Variants in GRM8 observed in about 807,000 individuals in gnomAD.
GRM8 encodes the protein glutamate metabotropic receptor 8, also known as metabotropic glutamate receptor 8.
GRM8 carries 47 observed loss-of-function variants against 87.2 expected under a neutral mutation model. The observed-to-expected ratio is 0.54, with a 90% CI of 0.43 to 0.69. The LOEUF (loss-of-function observed/expected upper bound fraction) is 0.69, where lower values mean the gene tolerates loss of function less well. Ranked by LOEUF, GRM8 falls within the 30% of genes least tolerant of loss-of-function variation. The pLI, the probability that GRM8 is intolerant of heterozygous loss-of-function variation, is 0.00. For synonymous variants in GRM8, 396 were observed against 404.5 expected (o/e 0.98, Z 0.25); for missense variants, 1,019 against 1,139.2 (o/e 0.89, Z 1.52).
Position 127,154,766 on chromosome 7 carries a change from C to T in GRM8, c.511-48054G>A, listed in dbSNP as rs11505966. On this transcript the variant is annotated intron_variant, in intron 2 of 10. Transcript: ENST00000339582. Reference sequence around the variant, plus strand: ...TTTTAACTAATTTCAGGAACACATACGATGTATGCACTACTGGAGTCTGAA... The same window carrying T: ...TTTTAACTAATTTCAGGAACACATATGATGTATGCACTACTGGAGTCTGAA... 3.1e-3 allele frequency among the ~76,000 whole-genome samples: 471 copies of T among 151,858 alleles called. 4 individuals carry two copies. Among genetic ancestry groups the T allele is most frequent in the African/African-American group, 0.011 (451 of 41,388 alleles).
rs17869316 is a variant in GRM8, at chr7:127,007,698, C to T, written c.727+98798G>A. ...TTTTCACCTGGCTTTTATAAAGATG[C>T]CAAGTGAAACTCTATATTAAAATAT... On this transcript the variant is annotated intron_variant, in intron 3 of 10. Transcript: ENST00000339582. Among the ~76,000 whole-genome samples, 29 of 152,076 alleles carry T rather than the reference C, an allele frequency of 1.9e-4. No homozygotes were observed. In the East Asian group the frequency reaches 5.6e-3, roughly 29 times the overall value.
intron 3 of GRM8, among the ~76,000 whole-genome samples, chr7:127,064,717 G>C (rs1820939354): frequency 6.6e-6 from 1 of 152,110 alleles, no homozygotes; most frequent in Non-Finnish European, 1.5e-5. Context: ...GACATGAACA[G>C]ACACTTCTCA....
At chr7:126,817,371 T>C (rs1435591910) in intron 6 of GRM8, among the ~76,000 whole-genome samples, 1 of 152,110 alleles carries the variant, frequency 6.6e-6, no homozygotes, top group Non-Finnish European at 1.5e-5. Flanking sequence ...CTCCTTCTAG[T>C]ACAGTGAAGG....
At chr7:126,912,941 T>C (rs1320477608) in intron 3 of GRM8, among the ~76,000 whole-genome samples, 1 of 152,218 alleles carries the variant, frequency 6.6e-6, no homozygotes, top group African/African-American at 2.4e-5. Flanking sequence ...AAACTGGAAT[T>C]GTAGCCTGCA....
chr7:127,218,597 G>A (rs1423720384), intron 2 of GRM8, among the ~76,000 whole-genome samples: 6 of 152,342 alleles, frequency 3.9e-5, no homozygotes, highest in Admixed American at 2.6e-4. Flanking sequence ...GGTGCATAGT[G>A]AGCGTCAGCC....
Position 126,533,422 on chromosome 7 carries a change from A to G in GRM8, c.1960T>C (p.Phe654Leu). The G allele has an allele frequency of 6.2e-7, 1 of 1,614,042 alleles. No homozygotes were observed. The highest frequency in any genetic ancestry group is 8.5e-7 in the Non-Finnish European group (1 of 1,179,958). The change falls in exon 9 of 11, where the codon TTC becomes CTC. Residue 654 changes from phenylalanine (F) to leucine (L), a missense_variant. Coordinates refer to ENST00000339582, the MANE Select transcript of GRM8 (RefSeq NM_000845.3). ...CTGAAACACATGCCAAGTCCTAGGA[A>G]GACCCGTCGGAAGGAGCATATGATT... ...DTIICSFRRVFLGLGMCFSYA... is the reference protein window; with the variant it reads ...DTIICSFRRVLLGLGMCFSYA...
chr7:126,873,296 T>C (rs936926957), intron 6 of GRM8, among the ~76,000 whole-genome samples: 1 of 152,128 alleles, frequency 6.6e-6, no homozygotes, highest in Non-Finnish European at 1.5e-5. Flanking sequence ...ACCAAGCATA[T>C]TAGTTTCCCT....
At chr7:127,182,156 C>T (rs1385617547) in intron 2 of GRM8, among the ~76,000 whole-genome samples, 1 of 151,798 alleles carries the variant, frequency 6.6e-6, no homozygotes, top group African/African-American at 2.4e-5. Flanking sequence ...AAGAAAAAAA[C>T]AAACAATCCC....
chr7:127,091,892 G>A (rs1441342331), intron 3 of GRM8, among the ~76,000 whole-genome samples: 2 of 45,334 alleles, frequency 4.4e-5, no homozygotes, highest in Non-Finnish European at 4.0e-5. Context: ...ATTCCCCGCC[G>A]GCCCACTGAT....
intron 2 of GRM8, among the ~76,000 whole-genome samples, chr7:127,113,098 A>C (rs1826480071): frequency 6.6e-6 from 1 of 152,210 alleles, no homozygotes; most frequent in South Asian, 2.1e-4. Context: ...CAAGGGGATC[A>C]GAGACTTTTA....
intron 7 of GRM8, among the ~76,000 whole-genome samples, chr7:126,729,879 A>T (rs895306518): frequency 6.6e-6 from 1 of 152,174 alleles, no homozygotes; most frequent in Non-Finnish European, 1.5e-5. Context: ...AGATTGTCCT[A>T]AGCTACCTCT....
intron 6 of GRM8, among the ~76,000 whole-genome samples, chr7:126,828,716 ATTTC>A (rs1174300997): frequency 1.1e-4 from 16 of 152,010 alleles, no homozygotes; most frequent in African/African-American, 3.9e-4. Flanking sequence ...TTCTGCTCTG[ATTTC>A]AGTTATTTCT....
chr7:126,810,833 T>G (rs1187155570), intron 6 of GRM8, among the ~76,000 whole-genome samples: 1 of 152,134 alleles, frequency 6.6e-6, no homozygotes, highest in African/African-American at 2.4e-5. Context: ...AACAGAAACT[T>G]GAGGTTATCA....
At chr7:126,536,197 A>G (rs986071309) in intron 8 of GRM8, among the ~76,000 whole-genome samples, 1 of 152,212 alleles carries the variant, frequency 6.6e-6, no homozygotes, top group Non-Finnish European at 1.5e-5. Flanking sequence ...AGCAGCCCGA[A>G]GTATGTAGCT....
At chr7:126,762,820 A>T (rs1165100056) in intron 7 of GRM8, among the ~76,000 whole-genome samples, 1 of 151,910 alleles carries the variant, frequency 6.6e-6, no homozygotes, top group Admixed American at 6.6e-5. Flanking sequence ...GAAATAAGAA[A>T]ATAAGAATTT....
intron 2 of GRM8, among the ~76,000 whole-genome samples, chr7:127,163,291 C>G (rs1427112549): frequency 6.6e-6 from 1 of 152,138 alleles, no homozygotes; most frequent in Admixed American, 6.6e-5. Flanking sequence ...TGAGTTTAAT[C>G]AGTGCAAAGG....
chr7:126,614,846 C>T (rs528091257), intron 7 of GRM8, among the ~76,000 whole-genome samples: 9 of 152,282 alleles, frequency 5.9e-5, no homozygotes, highest in African/African-American at 2.2e-4. Flanking sequence ...AAGGAAAGAA[C>T]AAAGCCTCTA....
In GRM8 at chr7:127,087,837, G is replaced by A. The variant is rs567446238; in HGVS notation, c.727+18659C>T. 3.0e-4 allele frequency among the ~76,000 whole-genome samples: 46 copies of A among 152,312 alleles called. 2 individuals are homozygous for A. The highest frequency in any genetic ancestry group is 1.1e-3 in the African/African-American group (45 of 41,568). On this transcript the variant is annotated intron_variant, in intron 3 of 10. Coordinates refer to ENST00000339582, the MANE Select transcript of GRM8 (RefSeq NM_000845.3). The stretch of plus-strand genomic sequence containing the variant: ...TAAAATAAAGAAGTGGTACTGTGGA[G>A]TCTCACCTATCACATATACCAGTTA...
At chr7:126,607,695 T>G (rs1445738238) in intron 8 of GRM8, among the ~76,000 whole-genome samples, 1 of 152,144 alleles carries the variant, frequency 6.6e-6, no homozygotes, top group Non-Finnish European at 1.5e-5. Context: ...TTTTTTTATG[T>G]ATTTTTATTA....
Sources: allele counts gnomAD v4.1 joint callset (sites outside exome capture counted in the v4.1 genomes callset), GRCh38; gene constraint gnomAD v4.1.1; transcripts MANE v1.5; gene names NCBI Gene and HGNC (gene_info 2026-07-23, HGNC 2026-07-21).